GRIA3: variants seen among roughly 807,000 people sequenced by gnomAD.
GRIA3 encodes glutamate receptor 3.
In GRIA3, 3 loss-of-function variants were observed where a neutral mutation model predicts 63.0. That is an observed-to-expected ratio of 0.05 (90% CI 0.02 to 0.12). GRIA3 has a LOEUF of 0.12. GRIA3 is among the 10% of genes least tolerant of loss of function. The pLI, the probability that GRIA3 is intolerant of heterozygous loss-of-function variation, is 1.00. For synonymous variants in GRIA3, 274 were observed against 257.9 expected (o/e 1.06, Z -0.60); for missense variants, 347 against 700.9 (o/e 0.50, Z 5.70).
chrX:123,209,417 C>G (rs1412424972), intron 2 of GRIA3, among the ~76,000 whole-genome samples: 1 of 111,793 alleles, frequency 8.9e-6, no homozygotes, highest in Admixed American at 9.5e-5. Flanking sequence ...TATGCCTCTG[C>G]AACACTCGTG....
chrX:123,329,793 G>A (rs931524676), intron 4 of GRIA3, among the ~76,000 whole-genome samples: 3 of 111,732 alleles, frequency 2.7e-5, no homozygotes, highest in African/African-American at 9.8e-5. Context: ...ACTGTGTTGT[G>A]CTTATGAAGC....
At chrX:123,411,115 T>C (rs2045503161) in intron 10 of GRIA3, among the ~76,000 whole-genome samples, 1 of 111,857 alleles carries the variant, frequency 8.9e-6, no homozygotes, top group Admixed American at 9.5e-5. Flanking sequence ...ACAGCAATTA[T>C]ATTCCTATTG....
chrX:123,368,098 G>A (rs2045224307), intron 5 of GRIA3, among the ~76,000 whole-genome samples: 1 of 111,792 alleles, frequency 8.9e-6, no homozygotes, highest in Non-Finnish European at 1.9e-5. Context: ...AGGAGGCTGG[G>A]CTGTGGGACA....
intron 2 of GRIA3, among the ~76,000 whole-genome samples, chrX:123,197,786 C>T (rs1273582767): frequency 8.9e-6 from 1 of 112,580 alleles, no homozygotes; most frequent in African/African-American, 3.2e-5. Flanking sequence ...AACTCTTCCA[C>T]TTACTAGCTG....
chrX:123,286,465 T>C (rs767266216), intron 3 of GRIA3, among the ~76,000 whole-genome samples: 6 of 111,592 alleles, frequency 5.4e-5, no homozygotes, highest in Non-Finnish European at 9.4e-5. Flanking sequence ...CTTCAAAAAA[T>C]CAGTGAATCC....
intron 2 of GRIA3, among the ~76,000 whole-genome samples, chrX:123,206,303 C>G (rs1365521426): frequency 1.8e-5 from 2 of 111,794 alleles, no homozygotes; most frequent in African/African-American, 6.5e-5. Context: ...CCATCTCTGT[C>G]TCCTCTGACC....
At chrX:123,244,241 G>C (rs1049008717) in intron 2 of GRIA3, among the ~76,000 whole-genome samples, 2 of 112,015 alleles carry the variant, frequency 1.8e-5, no homozygotes, top group Non-Finnish European at 3.8e-5. Context: ...CTGACACACT[G>C]TTCTGACTCT....
intron 3 of GRIA3, among the ~76,000 whole-genome samples, chrX:123,279,003 T>A (rs2044570510): frequency 8.9e-6 from 1 of 111,836 alleles, no homozygotes; most frequent in African/African-American, 3.2e-5. Flanking sequence ...AGTCTGTAGA[T>A]CACTTTGGGT....
chrX:123,451,638 T>C (rs140887487), intron 12 of GRIA3, among the ~76,000 whole-genome samples: 1,709 of 107,206 alleles, frequency 0.016, 19 homozygotes, highest in Middle Eastern at 0.053. Flanking sequence ...GCATTTTGAA[T>C]ATAGATTGAG....
At position 123,490,632 on chromosome X, in the gene GRIA3, T is replaced by C. The variant is rs1473886802; in HGVS notation, c.*1922T>C. 8.9e-6 allele frequency: 1 copy of C among 112,444 alleles called. No individual in the cohort carries two copies. The highest frequency in any genetic ancestry group is 1.9e-5 in the Non-Finnish European group (1 of 53,247). 9.3% of individuals were successfully genotyped at this position (112,444 alleles called of 1,213,427 possible). ...AAGAGGCGGGTAAATTGGTTTGTTA[T>C]TTTTTAAAAAAAACTTGCATGTTTA... On this transcript the variant is annotated 3_prime_UTR_variant, in exon 16 of 16. Transcript: ENST00000620443.
intron 5 of GRIA3, among the ~76,000 whole-genome samples, chrX:123,377,337 T>G (rs1002920977): frequency 6.2e-5 from 7 of 112,178 alleles, no homozygotes; most frequent in African/African-American, 2.3e-4. Flanking sequence ...CTTTTGTAAC[T>G]TGGAGTTTGT....
chrX:123,208,097 G>A (rs758637056), intron 2 of GRIA3, among the ~76,000 whole-genome samples: 109 of 112,425 alleles, frequency 9.7e-4, no homozygotes, highest in African/African-American at 3.4e-3. Flanking sequence ...CATTTACTGG[G>A]GTATCAAGTT....
chrX:123,209,697 A>T (rs1026320827), intron 2 of GRIA3, among the ~76,000 whole-genome samples: 4 of 112,208 alleles, frequency 3.6e-5, no homozygotes, highest in Non-Finnish European at 5.6e-5. Flanking sequence ...CTAATTAATT[A>T]GCTCCAACCA....
intron 3 of GRIA3, among the ~76,000 whole-genome samples, chrX:123,294,939 A>G (rs1225404886): frequency 9.0e-6 from 1 of 111,702 alleles, no homozygotes; most frequent in Admixed American, 9.5e-5. Flanking sequence ...TTTATTTTTA[A>G]TGTATACAAA....
chrX:123,387,475 T>C (rs892761723), intron 5 of GRIA3, among the ~76,000 whole-genome samples: 1 of 111,604 alleles, frequency 9.0e-6, no homozygotes, highest in Non-Finnish European at 1.9e-5. Flanking sequence ...ATACATTGAA[T>C]AGGAGTGATG....
At chrX:123,274,979 T>C (rs1246834415) in intron 3 of GRIA3, among the ~76,000 whole-genome samples, 1 of 111,233 alleles carries the variant, frequency 9.0e-6, no homozygotes, top group African/African-American at 3.3e-5. Context: ...GTCCAGTGGC[T>C]AACGCACCTA....
In GRIA3 at chrX:123,239,236, C is replaced by T. The variant is rs2044317415; in HGVS notation, c.269-14067C>T. Among the ~76,000 whole-genome samples the T allele has an allele frequency of 1.8e-5, 2 of 109,753 alleles. 1 individual carries two copies. The highest frequency in any genetic ancestry group is 3.8e-5 in the Non-Finnish European group (2 of 52,213). On this transcript the variant is annotated intron_variant, in intron 2 of 15. Coordinates refer to ENST00000620443, the MANE Select transcript of GRIA3 (RefSeq NM_007325.5). The stretch of plus-strand genomic sequence containing the variant: ...ACTGGAGAGTCATTCTCCTAGAGGA[C>T]AACTAAAAGACTCAGATCTCCCCTG...
intron 3 of GRIA3, among the ~76,000 whole-genome samples, chrX:123,315,027 G>A (rs763815490): frequency 4.5e-5 from 5 of 111,548 alleles, no homozygotes; most frequent in South Asian, 7.6e-4. Context: ...TAAGAGTTTC[G>A]TTTGGATTGA....
intron 10 of GRIA3, among the ~76,000 whole-genome samples, chrX:123,407,125 TTAC>T (rs1260848331): frequency 9.0e-6 from 1 of 111,715 alleles, no homozygotes; most frequent in East Asian, 2.8e-4. Flanking sequence ...ACTATTTCTA[TTAC>T]TACTACTACT....
Sources: allele counts gnomAD v4.1 joint callset (sites outside exome capture counted in the v4.1 genomes callset), GRCh38; gene constraint gnomAD v4.1.1; transcripts MANE v1.5; gene names NCBI Gene and HGNC (gene_info 2026-07-23, HGNC 2026-07-21).